The following CELF2 variants were observed in gnomAD, a reference collection of about 807,000 sequenced individuals.
CELF2 encodes the protein CUG triplet repeat RNA-binding protein 2.
A neutral mutation model predicts 62.6 loss-of-function variants in CELF2; 8 were observed. The ratio of observed to expected loss-of-function variants is 0.13; its 90% confidence interval spans 0.07 to 0.23. The LOEUF is 0.23. Ranked by LOEUF, CELF2 falls within the 10% of genes least tolerant of loss-of-function variation. The pLI is 1.00. For missense variants in CELF2, 333 were observed against 671.0 expected, an observed-to-expected ratio of 0.50 and a Z score of 5.56; for synonymous variants, 258 against 250.0, an observed-to-expected ratio of 1.03 and a Z score of -0.30.
rs868670580 is a variant in CELF2, at chr10:10,845,917, A to G, written c.53+47100A>G. The G allele has an allele frequency of 1.9e-5, 3 of 155,030 alleles. No individual in the cohort carries two copies. In the Admixed American group the frequency reaches 2.0e-4, roughly 10 times the overall value. The allele number at this position is 155,030 out of a possible 1,614,324, so 9.6% of individuals were successfully genotyped here. ...AAAAACAAAAGGAAACCAAGAAAAA[A>G]CCCCTCATTATTATGTAACTATTTG... is the stretch of plus-strand genomic sequence containing the variant. On this transcript the variant is annotated intron_variant, in intron 1 of 13. Coordinates refer to the CELF2 transcript ENST00000636488.
At chr10:10,782,666 CTG>C in the CELF2 span, among the ~76,000 whole-genome samples, 1 of 152,210 alleles carries the variant, frequency 6.6e-6, no homozygotes, top group Non-Finnish European at 1.5e-5. Context: ...AGTGGTAGCA[CTG>C]TGTTTTCCTT....
chr10:10,710,113 C>T, the CELF2 span, among the ~76,000 whole-genome samples: 1 of 152,320 alleles, frequency 6.6e-6, no homozygotes, highest in Non-Finnish European at 1.5e-5. Context: ...TCACTGAGCC[C>T]TGACTGCCAC....
the CELF2 span, among the ~76,000 whole-genome samples, chr10:10,617,817 A>G: frequency 1.5e-4 from 23 of 152,258 alleles, no homozygotes; most frequent in East Asian, 3.9e-3. Context: ...GCACCAGAGT[A>G]TGGAGGGATT....
intron 1 of CELF2, among the ~76,000 whole-genome samples, chr10:10,881,979 G>A (rs576911534): frequency 4.6e-4 from 70 of 152,248 alleles, no homozygotes; most frequent in African/African-American, 1.5e-3. Context: ...CTGCATTTTG[G>A]CATCTTTTAA....
chr10:10,770,474 T>A, the CELF2 span, among the ~76,000 whole-genome samples: 2 of 151,038 alleles, frequency 1.3e-5, no homozygotes, highest in Admixed American at 6.6e-5. Context: ...GGGGAGAGGG[T>A]TCAGGCCAGC....
rs1229138128 is a variant in CELF2 at position 11,243,679 on chromosome 10, C to T, written c.355-5474C>T. Among the ~76,000 whole-genome samples the T allele has an allele frequency of 1.3e-5, 2 of 152,202 alleles. No individual in the cohort carries two copies. Among genetic ancestry groups the T allele is most frequent in the Non-Finnish European group, 2.9e-5 (2 of 68,038 alleles). ...GAAAACCACTCTGTAAAGTCAGAGGCTGGTGTTTGTAAAATTCTTAGACTC... is the reference window on the plus strand; with the variant it reads ...GAAAACCACTCTGTAAAGTCAGAGGTTGGTGTTTGTAAAATTCTTAGACTC... On this transcript the variant is annotated intron_variant, in intron 3 of 12. Coordinates refer to ENST00000633077, the MANE Select transcript of CELF2 (RefSeq NM_001326342.2). The surrounding 1 kb of genome is among the most constrained non-coding windows in gnomAD (Gnocchi z 4.1).
intron 8 of CELF2, 140 bp from the exon 9 acceptor site, chr10:11,288,278 G>A: frequency 1.0e-6 from 1 of 983,598 alleles, no homozygotes. Flanking sequence ...GGAGAGCCCA[G>A]CTCCCACCCA....
At chr10:11,042,253 T>A (rs868314792) in intron 1 of CELF2, among the ~76,000 whole-genome samples, 1 of 152,250 alleles carries the variant, frequency 6.6e-6, no homozygotes, top group Non-Finnish European at 1.5e-5. Context: ...TTTTAAAGCC[T>A]GGCAGCACTG....
intron 1 of CELF2, among the ~76,000 whole-genome samples, chr10:10,906,143 C>T (rs1314988351): frequency 3.5e-5 from 5 of 142,944 alleles, no homozygotes; most frequent in Non-Finnish European, 7.5e-5. Flanking sequence ...CCCAACTCCT[C>T]ATTCCCAACA....
intron 3 of CELF2, among the ~76,000 whole-genome samples, chr10:11,230,866 C>T (rs1667707932): frequency 1.3e-5 from 2 of 152,238 alleles, no homozygotes; most frequent in South Asian, 4.1e-4. Flanking sequence ...TACTCAGCAG[C>T]TCATTTCCAC....
chr10:11,053,831 G>A (rs1047176436), intron 1 of CELF2, among the ~76,000 whole-genome samples: 2 of 151,858 alleles, frequency 1.3e-5, no homozygotes, highest in Non-Finnish European at 2.9e-5. Context: ...AGCCAGGACG[G>A]TCTCAATCTC....
At chr10:10,839,387 C>G (rs190153430) in intron 1 of CELF2, among the ~76,000 whole-genome samples, 1 of 152,174 alleles carries the variant, frequency 6.6e-6, no homozygotes, top group African/African-American at 2.4e-5. Context: ...CCCTGTTTAT[C>G]TGGAAACTCC....
intron 1 of CELF2, among the ~76,000 whole-genome samples, chr10:10,893,151 A>T (rs2062271317): frequency 6.6e-6 from 1 of 152,204 alleles, no homozygotes; most frequent in African/African-American, 2.4e-5. Context: ...TCCAGCCCAA[A>T]TCCCAATGAG....
intron 1 of CELF2, among the ~76,000 whole-genome samples, chr10:10,828,306 C>T (rs577575178): frequency 6.6e-6 from 1 of 152,246 alleles, no homozygotes; most frequent in South Asian, 2.1e-4. Context: ...GTGGTATATG[C>T]ATATAATGGA....
intron 2 of CELF2, among the ~76,000 whole-genome samples, chr10:10,924,580 C>G (rs995280867): frequency 9.9e-5 from 15 of 152,240 alleles, no homozygotes; most frequent in African/African-American, 3.4e-4. Context: ...GTAAATGAAG[C>G]TTAAAATAAT....
At chr10:10,786,619 T>C in the CELF2 span, 1 of 152,162 alleles carries the variant, frequency 6.6e-6, no homozygotes, top group East Asian at 1.9e-4. Context: ...AGAATGGAAA[T>C]CAAGTGAGAA....
Position 11,290,876 on chromosome 10 carries a change from A to C in CELF2, c.976+2324A>C, listed in dbSNP as rs1416662338. Among the ~76,000 whole-genome samples the C allele has an allele frequency of 6.6e-6, 1 of 152,184 alleles. No individual in the cohort carries two copies. The highest frequency in any genetic ancestry group is 1.9e-4 in the East Asian group (1 of 5,206). On this transcript the variant is annotated intron_variant, in intron 9 of 12. Transcript: ENST00000633077. The surrounding 1 kb of genome is among the most constrained non-coding windows in gnomAD (Gnocchi z 4.3). ...AGCAGCAGCAATGATTGAAATCTAC[A>C]TTTCAATTATTTTTCTTAAGTGTAA...
In CELF2 at chr10:10,928,835, A is replaced by G. The variant is rs1386346905; in HGVS notation, c.89+8836A>G. Among the ~76,000 whole-genome samples the G allele has an allele frequency of 2.0e-5, 3 of 152,210 alleles. No homozygotes were observed. The highest frequency in any genetic ancestry group is 2.9e-5 in the Non-Finnish European group (2 of 68,046). On this transcript the variant is annotated intron_variant, in intron 2 of 13. Coordinates refer to the CELF2 transcript ENST00000636488. The surrounding 1 kb of genome is among the most constrained non-coding windows in gnomAD (Gnocchi z 4.8). The stretch of plus-strand genomic sequence containing the variant: ...TAAGTAGGAAACACACTAAAATCCT[A>G]TTACTATTTGTTGTTTGTCCCCAGT...
At chr10:10,828,887 C>T (rs2057624641) in intron 1 of CELF2, among the ~76,000 whole-genome samples, 1 of 152,178 alleles carries the variant, frequency 6.6e-6, no homozygotes, top group Non-Finnish European at 1.5e-5. Context: ...GATGCTGAGC[C>T]TGGTTGGTCA....
Sources: gnomAD v4.1 joint callset for allele counts (sites outside exome capture counted in the v4.1 genomes callset) on GRCh38, gnomAD v4.1.1 for gene constraint, Gnocchi (gnomAD v3.1) non-coding constraint, MANE v1.5 for transcripts, NCBI Gene and HGNC (gene_info 2026-07-23, HGNC 2026-07-21) for gene names.